Variants in CASS4 observed in about 807,000 individuals in gnomAD.
CASS4 encodes the protein Cas scaffold protein family member 4, also known as cas scaffolding protein family member 4.
In CASS4, 22 loss-of-function variants were observed where a neutral mutation model predicts 54.2. That is an observed-to-expected ratio of 0.41 (90% CI 0.29 to 0.58). The LOEUF (loss-of-function observed/expected upper bound fraction) is 0.58, where lower values mean the gene tolerates loss of function less well. Ranked by LOEUF, CASS4 falls within the 20% of genes least tolerant of loss-of-function variation. The pLI is 0.36. For synonymous variants in CASS4, 409 were observed against 391.5 expected (o/e 1.04, Z -0.53); for missense variants, 854 against 986.7 (o/e 0.87, Z 1.80).
chr20:56,439,243 A>G (rs998926672), intron 2 of CASS4, among the ~76,000 whole-genome samples: 3 of 151,986 alleles, frequency 2.0e-5, no homozygotes, highest in Non-Finnish European at 2.9e-5. Flanking sequence ...ATCACTGTTC[A>G]CTGCAGCCTC....
At chr20:56,456,092 C>CT (rs1423788043) in intron 5 of CASS4, among the ~76,000 whole-genome samples, 5 of 151,240 alleles carry the variant, frequency 3.3e-5, no homozygotes, top group Non-Finnish European at 1.5e-5. Flanking sequence ...TTGGAAAGCC[C>CT]CCGCTTTAGA....
intron 2 of CASS4, among the ~76,000 whole-genome samples, chr20:56,441,926 C>A (rs1220844053): frequency 6.6e-6 from 1 of 152,208 alleles, no homozygotes; most frequent in Non-Finnish European, 1.5e-5. Flanking sequence ...ATCAGTTACA[C>A]ATTTTCTGAT....
chr20:56,456,380 C>CT (rs35814212), intron 5 of CASS4, among the ~76,000 whole-genome samples: 91,671 of 148,786 alleles, frequency 0.62, 28,688 homozygotes, highest in East Asian at 0.94. Context: ...CTAAACTCTT[C>CT]TTTTTTTTTT....
In CASS4 at chr20:56,427,698, A is replaced by G. The variant is rs138076361; in HGVS notation, c.37-9466A>G. On this transcript the variant is annotated intron_variant, in intron 1 of 5. Coordinates refer to ENST00000679887, the MANE Select transcript of CASS4 (RefSeq NM_020356.4). ...TCCTTCATGAACTTCAGGGATTCAC[A>G]TTTCCCATGTATCAAAAGATCTGTG... is the stretch of plus-strand genomic sequence containing the variant. Among the ~76,000 whole-genome samples, 1,050 of 152,306 alleles carry G rather than the reference A, an allele frequency of 6.9e-3. 48 individuals are homozygous for G. Among genetic ancestry groups the G allele is most frequent in the Admixed American group, 0.065 (990 of 15,292 alleles).
Position 56,437,023 on chromosome 20 carries a change from G to A in CASS4, c.37-141G>A. ...GTGAAGGAACAAATCAAAGAGCAGG[G>A]ACAAGAGCCTCTGGGGTGGAAGAAA... On this transcript the variant is annotated intron_variant, in intron 1 of 5. Coordinates refer to ENST00000679887, the MANE Select transcript of CASS4 (RefSeq NM_020356.4). This position sits in a 1 kb window ranked among gnomAD's most constrained non-coding sequence, Gnocchi z 4.7. The A allele has an allele frequency of 1.3e-6, 1 of 754,430 alleles. No individual in the cohort carries two copies. The highest frequency in any genetic ancestry group is 2.1e-6 in the Non-Finnish European group (1 of 475,164). The allele number at this position is 754,430 out of a possible 1,614,324, so 46.7% of individuals were successfully genotyped here.
Position 56,417,764 on chromosome 20 carries a change from C to T in CASS4, c.36+5270C>T, listed in dbSNP as rs56793091. ...TTTCTAGTCAGCAGGTGTTTGGCAACGGAGGTCATTCCTGACTCTCAGCTC... is the reference window on the plus strand; with the variant it reads ...TTTCTAGTCAGCAGGTGTTTGGCAATGGAGGTCATTCCTGACTCTCAGCTC... On this transcript the variant is annotated intron_variant, in intron 1 of 5. Coordinates refer to ENST00000679887, the MANE Select transcript of CASS4 (RefSeq NM_020356.4). 4.1e-3 allele frequency among the ~76,000 whole-genome samples: 621 copies of T among 152,322 alleles called. 7 individuals are homozygous for T. The highest frequency in any genetic ancestry group is 0.014 in the African/African-American group (592 of 41,566).
intron 1 of CASS4, among the ~76,000 whole-genome samples, chr20:56,436,834 C>T (rs1399576621): frequency 6.6e-6 from 1 of 152,058 alleles, no homozygotes; most frequent in East Asian, 1.9e-4. Flanking sequence ...CTGCAGTGAG[C>T]CAAGATTTCA....
At chr20:56,445,525 G>C (rs1313569113) in intron 2 of CASS4, among the ~76,000 whole-genome samples, 2 of 152,200 alleles carry the variant, frequency 1.3e-5, no homozygotes, top group African/African-American at 4.8e-5. Flanking sequence ...ACAGCCTCCT[G>C]GTCCCTAGAG....
intron 2 of CASS4, among the ~76,000 whole-genome samples, chr20:56,444,721 T>C (rs982253066): frequency 6.6e-6 from 1 of 152,210 alleles, no homozygotes; most frequent in African/African-American, 2.4e-5. Flanking sequence ...AGGATTAACT[T>C]GAATCTGAAG....
At chr20:56,426,022 A>G (rs1488211804) in intron 1 of CASS4, among the ~76,000 whole-genome samples, 7 of 152,180 alleles carry the variant, frequency 4.6e-5, no homozygotes, top group Admixed American at 3.3e-4. Context: ...ATTGTACTCC[A>G]TTATACAAAT....
intron 3 of CASS4, 51 bp downstream of exon 3, chr20:56,446,052 C>A: frequency 7.8e-7 from 1 of 1,284,108 alleles, no homozygotes; most frequent in Non-Finnish European, 1.1e-6. Context: ...CGCCCAGAGT[C>A]TGGGGTTCTT....
At chr20:56,420,691 G>A (rs146595842) in intron 1 of CASS4, among the ~76,000 whole-genome samples, 370 of 151,636 alleles carry the variant, frequency 2.4e-3, no homozygotes, top group Non-Finnish European at 3.2e-3. Context: ...CACCACACCC[G>A]GCCCAGGTTC....
rs1981074460 is a variant in CASS4 at position 56,452,460 on chromosome 20, G to A, written c.1284G>A (p.Glu428=). ...TDDSSSSSSE[E]SAKELSLDLD... ...ACTCCTCCAGCTCTTCCTCGGAGGA[G>A]TCAGCAAAGGAGCTCTCCTTGGACC... The change falls in exon 5 of 6, where the codon GAG becomes GAA. Residue 428 remains glutamate (E), a synonymous_variant. Transcript: ENST00000679887. 1 of 1,613,874 alleles carries A rather than the reference G, an allele frequency of 6.2e-7. No homozygotes were observed. The highest frequency in any genetic ancestry group is 8.5e-7 in the Non-Finnish European group (1 of 1,179,828).
At chr20:56,413,596 C>G (rs1362555283) in intron 1 of CASS4, among the ~76,000 whole-genome samples, 1 of 141,790 alleles carries the variant, frequency 7.1e-6, no homozygotes, top group African/African-American at 2.6e-5. Flanking sequence ...TCGCTTGAGC[C>G]TGGGAGGCAG....
intron 2 of CASS4, among the ~76,000 whole-genome samples, chr20:56,441,759 C>T (rs904802905): frequency 2.0e-5 from 3 of 152,122 alleles, no homozygotes; most frequent in Non-Finnish European, 4.4e-5. Context: ...CCTCCCAACA[C>T]CCTTTGTGTT....
In CASS4 at chr20:56,443,106, T is replaced by C. The variant is rs796676544; in HGVS notation, c.460-2794T>C. ...TTGGTGTGTTTCTGGGAGGTACCAC[T>C]GGCGGTACAGCCAGTGGTCCGGGAC... On this transcript the variant is annotated intron_variant, in intron 2 of 5. Coordinates refer to ENST00000679887, the MANE Select transcript of CASS4 (RefSeq NM_020356.4). Among the ~76,000 whole-genome samples the C allele has an allele frequency of 4.9e-4, 67 of 135,450 alleles. 2 individuals are homozygous for C. The highest frequency in any genetic ancestry group is 1.7e-3 in the African/African-American group (66 of 38,640). The allele number at this position is 135,450 out of a possible 152,430, so 88.9% of individuals were successfully genotyped here. A position where few individuals can be genotyped will look rare whatever the true frequency, so the allele number is the denominator to read the frequency against.
At position 56,437,478 on chromosome 20, in the gene CASS4, G is replaced by A. The variant is rs752135387; in HGVS notation, c.351G>A (p.Arg117=). The A allele has an allele frequency of 6.8e-6, 11 of 1,612,280 alleles. No homozygotes were observed. The highest frequency in any genetic ancestry group is 1.7e-6 in the Non-Finnish European group (2 of 1,179,192). Residue 117 remains arginine (R), a synonymous_variant, in exon 2 of 6, where the codon AGG becomes AGA. Coordinates refer to ENST00000679887, the MANE Select transcript of CASS4 (RefSeq NM_020356.4). This position sits in a 1 kb window ranked among gnomAD's most constrained non-coding sequence, Gnocchi z 4.7. ...PTPGPVYEQM[R]SWAEGPQPPT... is the part of the protein sequence containing the mutation. The stretch of plus-strand genomic sequence containing the variant: ...CAGGCCCCGTTTATGAGCAGATGAG[G>A]AGTTGGGCGGAGGGGCCCCAGCCCC...
chr20:56,435,049 G>T (rs1980090110), intron 1 of CASS4, among the ~76,000 whole-genome samples: 2 of 152,096 alleles, frequency 1.3e-5, no homozygotes, highest in Admixed American at 1.3e-4. Flanking sequence ...TGATCTCCTG[G>T]GATCTCAGCT....
intron 3 of CASS4, among the ~76,000 whole-genome samples, chr20:56,446,529 A>G (rs149219133): frequency 1.6e-4 from 24 of 152,302 alleles, no homozygotes; most frequent in African/African-American, 5.1e-4. Context: ...CTCTGGGGGA[A>G]GAAATTTTAG....
Sources: gnomAD v4.1 joint callset for allele counts (sites outside exome capture counted in the v4.1 genomes callset) on GRCh38, gnomAD v4.1.1 for gene constraint, Gnocchi (gnomAD v3.1) non-coding constraint, MANE v1.5 for transcripts, NCBI Gene and HGNC (gene_info 2026-07-23, HGNC 2026-07-21) for gene names.